C17orf67: variants seen among roughly 807,000 people sequenced by gnomAD.
C17orf67 encodes the protein uncharacterized protein C17orf67.
Under a neutral mutation model 11.2 loss-of-function variants are expected in C17orf67, and 12 were observed. The observed-to-expected ratio is 1.07, with a 90% CI of 0.68 to 1.73. The LOEUF (loss-of-function observed/expected upper bound fraction) is 1.73. Among genes scored for constraint, C17orf67 ranks in the 40% most tolerant of loss-of-function variants. The pLI, the probability that C17orf67 is intolerant of heterozygous loss-of-function variation, is 0.00. For synonymous variants in C17orf67, 59 were observed against 46.9 expected, an observed-to-expected ratio of 1.26 and a Z score of -1.05; for missense variants, 115 against 113.5, an observed-to-expected ratio of 1.01 and a Z score of -0.06.
At chr17:56,822,080 C>T (rs1424324720) in intron 4 of C17orf67, among the ~76,000 whole-genome samples, 1 of 152,230 alleles carries the variant, frequency 6.6e-6, no homozygotes, top group Non-Finnish European at 1.5e-5. Flanking sequence ...TCTATTTCAG[C>T]TGACTTCCAG....
chr17:56,812,098 C>T (rs1295975673), intron 6 of C17orf67, among the ~76,000 whole-genome samples: 1 of 152,192 alleles, frequency 6.6e-6, no homozygotes, highest in Admixed American at 6.5e-5. Flanking sequence ...AGAAAAAATA[C>T]GATACCAGAA....
chr17:56,794,744 TCTC>T (rs1905176871), intron 7 of C17orf67, among the ~76,000 whole-genome samples: 1 of 152,018 alleles, frequency 6.6e-6, no homozygotes, highest in Non-Finnish European at 1.5e-5. Context: ...AAAACACACT[TCTC>T]CACATTTGGG....
At chr17:56,803,677 A>G (rs886729308) in intron 6 of C17orf67, among the ~76,000 whole-genome samples, 10 of 152,218 alleles carry the variant, frequency 6.6e-5, no homozygotes, top group Admixed American at 3.9e-4. Flanking sequence ...AATTTTCTTG[A>G]TATCTGTGTC....
In C17orf67 at chr17:56,816,020, G is replaced by A; in HGVS notation, c.-200-10C>T. On this transcript the variant is annotated splice_polypyrimidine_tract_variant and intron_variant, in intron 4 of 7. Transcript: ENST00000397861. ...CCTGTAAATTTTCATCCTGAGGAAG[G>A]AAATTGTTCCTCTGTAATATGACTT... The A allele has an allele frequency of 2.1e-6, 2 of 974,990 alleles. No individual in the cohort carries two copies. The highest frequency in any genetic ancestry group is 2.9e-5 in the East Asian group (1 of 34,788). The allele number at this position is 974,990 out of a possible 1,614,324, so 60.4% of individuals were successfully genotyped here. A position where few individuals can be genotyped will look rare whatever the true frequency, so the allele number is the denominator to read the frequency against.
intron 6 of C17orf67, among the ~76,000 whole-genome samples, chr17:56,805,419 T>A (rs1216966759): frequency 1.3e-5 from 2 of 152,114 alleles, no homozygotes; most frequent in African/African-American, 4.8e-5. Flanking sequence ...TCATTTTTTA[T>A]CCCTATTCCT....
chr17:56,817,405 C>A (rs1204274038), intron 4 of C17orf67, among the ~76,000 whole-genome samples: 1 of 152,032 alleles, frequency 6.6e-6, no homozygotes, highest in Non-Finnish European at 1.5e-5. Flanking sequence ...AAAGATCATG[C>A]AATGTTAGCA....
intron 6 of C17orf67, among the ~76,000 whole-genome samples, chr17:56,795,815 C>T (rs1905201639): frequency 6.6e-6 from 1 of 152,170 alleles, no homozygotes; most frequent in Non-Finnish European, 1.5e-5. Flanking sequence ...GACTATTATA[C>T]AGCAGAGAAC....
chr17:56,831,934 AAC>A (rs1436623968), intron 2 of C17orf67, among the ~76,000 whole-genome samples: 4 of 151,978 alleles, frequency 2.6e-5, no homozygotes, highest in Admixed American at 2.0e-4. Flanking sequence ...AAAACGCTTA[AAC>A]ACACAGTTTC....
intron 7 of C17orf67, among the ~76,000 whole-genome samples, chr17:56,794,214 A>G (rs749113272): frequency 1.3e-5 from 2 of 152,224 alleles, no homozygotes; most frequent in Non-Finnish European, 2.9e-5. Context: ...AGAGTGATTA[A>G]TAGGAGCGTC....
At chr17:56,814,823 T>TCAAATGATCACATTTTCTTTA (rs775157014) in intron 6 of C17orf67, 46 bp downstream of exon 6, 39 of 1,572,872 alleles carry the variant, frequency 2.5e-5, no homozygotes, top group Non-Finnish European at 1.8e-6. Flanking sequence ...TGAATGGCAT[T>TCAAATGATCACATTTTCTTTA]CAAATGATCA....
At chr17:56,826,567 A>T (rs1016422221) in intron 2 of C17orf67, among the ~76,000 whole-genome samples, 2 of 152,174 alleles carry the variant, frequency 1.3e-5, no homozygotes, top group Non-Finnish European at 2.9e-5. Flanking sequence ...CAGCCTCCAA[A>T]CTCAAAAGTG....
intron 4 of C17orf67, among the ~76,000 whole-genome samples, chr17:56,817,814 T>G (rs568331466): frequency 6.6e-6 from 1 of 152,052 alleles, no homozygotes; most frequent in South Asian, 2.1e-4. Flanking sequence ...TTAACATCCT[T>G]CTGTTTTCAC....
intron 6 of C17orf67, among the ~76,000 whole-genome samples, chr17:56,801,551 A>G (rs1905322506): frequency 6.6e-6 from 1 of 151,948 alleles, no homozygotes; most frequent in Admixed American, 6.6e-5. Context: ...AGACCCATGC[A>G]GTTTGGATTT....
chr17:56,804,262 C>G (rs1167894508), intron 6 of C17orf67: 2 of 152,202 alleles, frequency 1.3e-5, no homozygotes, highest in Non-Finnish European at 2.9e-5. Context: ...AGAACTTGAC[C>G]TATGCTGAGA....
At chr17:56,828,310 TAGG>T (rs988715443) in intron 2 of C17orf67, among the ~76,000 whole-genome samples, 6 of 151,146 alleles carry the variant, frequency 4.0e-5, no homozygotes, top group Non-Finnish European at 8.8e-5. Context: ...GAGGCTGAGG[TAGG>T]AGAATCGCTT....
chr17:56,809,751 CCT>C (rs1392005263), intron 6 of C17orf67, among the ~76,000 whole-genome samples: 6 of 145,874 alleles, frequency 4.1e-5, no homozygotes, highest in African/African-American at 1.0e-4. Flanking sequence ...ACACATACAC[CCT>C]CACACACACC....
chr17:56,817,138 G>C (rs1486575969), intron 4 of C17orf67, among the ~76,000 whole-genome samples: 2 of 152,168 alleles, frequency 1.3e-5, no homozygotes, highest in African/African-American at 4.8e-5. Context: ...TTACAGGCAT[G>C]AGACACTGCT....
intron 6 of C17orf67, among the ~76,000 whole-genome samples, chr17:56,798,077 A>C (rs1167487729): frequency 1.3e-5 from 2 of 152,082 alleles, no homozygotes; most frequent in Non-Finnish European, 2.9e-5. Context: ...TCTTCATGGC[A>C]CCACATTGCT....
chr17:56,826,368 C>A (rs1026565737), intron 2 of C17orf67, among the ~76,000 whole-genome samples: 3 of 152,178 alleles, frequency 2.0e-5, no homozygotes, highest in Non-Finnish European at 2.9e-5. Context: ...ACTGTGCAGG[C>A]TACTGAAGCA....
Sources: gnomAD v4.1 joint callset for allele counts (sites outside exome capture counted in the v4.1 genomes callset) on GRCh38, gnomAD v4.1.1 for gene constraint, MANE v1.5 for transcripts, NCBI Gene and HGNC (gene_info 2026-07-23, HGNC 2026-07-21) for gene names.